TBC1D22A: variants seen among roughly 807,000 people sequenced by gnomAD.
TBC1D22A encodes the protein putative GTPase activator.
TBC1D22A carries 38 observed loss-of-function variants against 60.2 expected under a neutral mutation model. The observed-to-expected ratio is 0.63, with a 90% CI of 0.49 to 0.83. TBC1D22A has a LOEUF of 0.83. TBC1D22A is among the 40% of genes least tolerant of loss of function. TBC1D22A has a pLI of 0.00. For missense variants in TBC1D22A, 628 were observed against 701.0 expected, an observed-to-expected ratio of 0.90 and a Z score of 1.18; for synonymous variants, 302 against 281.7, an observed-to-expected ratio of 1.07 and a Z score of -0.72.
intron 12 of TBC1D22A, among the ~76,000 whole-genome samples, chr22:47,138,275 G>A (rs919037648): frequency 3.9e-5 from 6 of 152,190 alleles, no homozygotes; most frequent in African/African-American, 1.4e-4. Flanking sequence ...CCCCAGCTAA[G>A]GATGCACAGA....
chr22:47,091,068 GGTGGCTGC>G lies in TBC1D22A; in HGVS notation c.1330-20439_1330-20432del, dbSNP rs2064934917. Among the ~76,000 whole-genome samples the G allele has an allele frequency of 8.9e-5, 10 of 112,830 alleles. No homozygotes were observed. The East Asian group carries it at 9.0e-4, about 10-fold the overall frequency. The allele number at this position is 112,830 out of a possible 152,430, so 74.0% of individuals were successfully genotyped here. A position where few individuals can be genotyped will look rare whatever the true frequency, so the allele number is the denominator to read the frequency against. On this transcript the variant is annotated intron_variant, in intron 11 of 12. Coordinates refer to ENST00000337137, the MANE Select transcript of TBC1D22A (RefSeq NM_014346.5). Reference sequence around the variant, plus strand: ...TTGGGGGGAGTGGCCTCGCAGAGGGGGTGGCTGCTTGTTGATAGAGACAGGCACGAGAA... The same window carrying G: ...TTGGGGGGAGTGGCCTCGCAGAGGGGTTGTTGATAGAGACAGGCACGAGAA...
intron 1 of TBC1D22A, among the ~76,000 whole-genome samples, chr22:46,763,544 A>G (rs1223955683): frequency 6.6e-6 from 1 of 151,604 alleles, no homozygotes; most frequent in Non-Finnish European, 1.5e-5. Context: ...ATGAGACATT[A>G]CGTGGAGGGT....
intron 1 of TBC1D22A, among the ~76,000 whole-genome samples, chr22:46,772,140 T>C (rs1234121385): frequency 5.2e-4 from 10 of 19,146 alleles, no homozygotes; most frequent in African/African-American, 1.8e-3. Flanking sequence ...TATATATGTA[T>C]ACACACATAT....
At chr22:47,127,167 C>T (rs893426733) in intron 12 of TBC1D22A, among the ~76,000 whole-genome samples, 2 of 152,078 alleles carry the variant, frequency 1.3e-5, no homozygotes, top group East Asian at 1.9e-4. Context: ...AAGAAAACTA[C>T]TCCTTGCCCC....
intron 8 of TBC1D22A, among the ~76,000 whole-genome samples, chr22:46,968,418 C>T (rs139762950): frequency 8.9e-4 from 136 of 152,354 alleles, no homozygotes; most frequent in Non-Finnish European, 1.5e-3. Context: ...CATGCGTGGA[C>T]GTGTGCGCCC....
chr22:47,171,983 TGCCCAGTGCGCCCGGTGA>T (rs894708728), intron 12 of TBC1D22A, among the ~76,000 whole-genome samples: 1 of 146,328 alleles, frequency 6.8e-6, no homozygotes, highest in African/African-American at 2.6e-5. Flanking sequence ...CCAACGCACC[TGCCCAGTGCGCCCGGTGA>T]GCCCAGTGTG....
intron 11 of TBC1D22A, among the ~76,000 whole-genome samples, chr22:47,076,408 C>CAT (rs770188684): frequency 0.03 from 3,103 of 102,398 alleles, 70 homozygotes; most frequent in Middle Eastern, 0.097. Flanking sequence ...CACACACACA[C>CAT]ATATATATAT....
At chr22:46,911,323 G>A (rs1169694602) in intron 7 of TBC1D22A, among the ~76,000 whole-genome samples, 1 of 152,198 alleles carries the variant, frequency 6.6e-6, no homozygotes, top group African/African-American at 2.4e-5. Flanking sequence ...TTGTCTTCTT[G>A]AATGGTGATA....
chr22:46,804,267 C>G (rs1417242751), intron 4 of TBC1D22A, among the ~76,000 whole-genome samples: 1 of 152,218 alleles, frequency 6.6e-6, no homozygotes, highest in African/African-American at 2.4e-5. Flanking sequence ...TATTTCTTTT[C>G]TCTGCTCATT....
intron 8 of TBC1D22A, among the ~76,000 whole-genome samples, chr22:46,947,975 C>T (rs953311079): frequency 3.9e-5 from 6 of 152,202 alleles, no homozygotes; most frequent in African/African-American, 1.2e-4. Context: ...ATAAACTCGC[C>T]TTTTAATGCC....
intron 12 of TBC1D22A, among the ~76,000 whole-genome samples, chr22:47,127,494 G>A (rs1328638007): frequency 6.6e-6 from 1 of 151,398 alleles, no homozygotes; most frequent in Non-Finnish European, 1.5e-5. Context: ...CCAAGTGCCG[G>A]GATGACAGGT....
chr22:47,063,856 G>A (rs1468380346), intron 11 of TBC1D22A, among the ~76,000 whole-genome samples: 2 of 152,194 alleles, frequency 1.3e-5, no homozygotes, highest in Non-Finnish European at 2.9e-5. Context: ...TGCCTCTGTC[G>A]CTACGTAGCC....
At position 46,793,856 on chromosome 22, in the gene TBC1D22A, C is replaced by A. The variant is rs749084148; in HGVS notation, c.460+15C>A. The A allele has an allele frequency of 7.8e-5, 120 of 1,532,722 alleles. No homozygotes were observed. The highest frequency in any genetic ancestry group is 9.7e-5 in the Non-Finnish European group (111 of 1,142,882). The allele number at this position is 1,532,722 out of a possible 1,614,324, so 94.9% of individuals were successfully genotyped here. ...CTGTCCTGCAGGTACGATGGGAGGACTGAAGAGATGGTCTGGGTTTCTGGC... is the reference window on the plus strand; with the variant it reads ...CTGTCCTGCAGGTACGATGGGAGGAATGAAGAGATGGTCTGGGTTTCTGGC... On this transcript the variant is annotated intron_variant, in intron 3 of 12. Transcript: ENST00000337137.
chr22:46,980,872 T>C (rs1048288862), intron 9 of TBC1D22A, among the ~76,000 whole-genome samples: 2 of 152,156 alleles, frequency 1.3e-5, no homozygotes, highest in African/African-American at 4.8e-5. Flanking sequence ...GAAAGTCTCA[T>C]AGGAAAGAAG....
intron 11 of TBC1D22A, among the ~76,000 whole-genome samples, chr22:47,068,017 G>A (rs1453074049): frequency 1.3e-5 from 2 of 152,268 alleles, no homozygotes; most frequent in East Asian, 3.8e-4. Context: ...TCCATTGAGA[G>A]GGGTCAGGGA....
At chr22:47,071,942 C>T (rs2064010812) in intron 11 of TBC1D22A, among the ~76,000 whole-genome samples, 2 of 152,136 alleles carry the variant, frequency 1.3e-5, no homozygotes, top group Admixed American at 1.3e-4. Context: ...GACCCCCTGC[C>T]TTTTTATATT....
intron 8 of TBC1D22A, among the ~76,000 whole-genome samples, chr22:46,971,701 A>G (rs1235887008): frequency 6.6e-6 from 1 of 152,236 alleles, no homozygotes; most frequent in Non-Finnish European, 1.5e-5. Context: ...CCATTGCCTC[A>G]CAAAGCACAC....
chr22:47,096,390 G>T (rs1249442532), intron 11 of TBC1D22A, among the ~76,000 whole-genome samples: 1 of 152,148 alleles, frequency 6.6e-6, no homozygotes, highest in Non-Finnish European at 1.5e-5. Context: ...ATACATTCTG[G>T]ATACGAATCC....
intron 11 of TBC1D22A, among the ~76,000 whole-genome samples, chr22:47,066,005 C>G (rs2063761725): frequency 6.6e-6 from 1 of 152,194 alleles, no homozygotes; most frequent in African/African-American, 2.4e-5. Flanking sequence ...TCACGCCACC[C>G]TGTGCGTCAT....
Sources: gnomAD v4.1 joint callset for allele counts (sites outside exome capture counted in the v4.1 genomes callset) on GRCh38, gnomAD v4.1.1 for gene constraint, MANE v1.5 for transcripts, NCBI Gene and HGNC (gene_info 2026-07-23, HGNC 2026-07-21) for gene names.